KRT7: variants seen among roughly 807,000 people sequenced by gnomAD.
KRT7 encodes keratin, type II cytoskeletal 7.
In KRT7, 50 loss-of-function variants were observed where a neutral mutation model predicts 42.8. The observed-to-expected ratio is 1.17, with a 90% confidence interval of 0.93 to 1.48. The LOEUF is 1.48. KRT7 is among the 40% of genes most tolerant of loss of function. The pLI is 0.00. For synonymous variants in KRT7, 268 were observed against 266.3 expected, an observed-to-expected ratio of 1.01 and a Z score of -0.06; for missense variants, 588 against 637.6, an observed-to-expected ratio of 0.92 and a Z score of 0.84.
At chr12:52,250,914 G>A (rs550255529), downstream of KRT7, among the ~76,000 whole-genome samples, 3 of 152,338 alleles carry the variant, frequency 2.0e-5, no homozygotes, top group South Asian at 2.1e-4. Flanking sequence ...GTGCACATAC[G>A]CAAACCTACA....
chr12:52,236,019 C>T (rs561741256), intron 2 of KRT7, among the ~76,000 whole-genome samples: 1 of 152,204 alleles, frequency 6.6e-6, no homozygotes, highest in East Asian at 1.9e-4. Context: ...GGTCTTTTTG[C>T]ACTCTTTTCT....
chr12:52,240,915 A>C (rs7312200), intron 4 of KRT7, among the ~76,000 whole-genome samples: 28,869 of 146,998 alleles, frequency 0.2, 3,069 homozygotes, highest in Middle Eastern at 0.26. Context: ...TAATGCTATC[A>C]CTCCCCCCTC....
rs757364622 is a variant in KRT7 at position 52,245,631 on chromosome 12, C to T, written c.1204C>T (p.Arg402Trp). The change falls in exon 7 of 9, where the codon CGG becomes TGG. Residue 402 changes from arginine to tryptophan, a missense_variant and splice_region_variant. By Grantham distance (101) the Arg-to-Trp change is moderately radical. Coordinates refer to ENST00000331817, the MANE Select transcript of KRT7 (RefSeq NM_005556.4). ...YRKLLEGEES[R>W]LAGDGVGAVN... ...CAAGCTGCTGGAGGGCGAGGAGAGC[C>T]GGTGAGGACAAGGAACCTGGAAAGG... The T allele has an allele frequency of 1.8e-5, 29 of 1,613,366 alleles. No homozygotes were observed. The highest frequency in any genetic ancestry group is 1.9e-4 in the Middle Eastern group (1 of 5,396).
At chr12:52,237,894 G>C (rs956824372) in intron 3 of KRT7, among the ~76,000 whole-genome samples, 1 of 152,184 alleles carries the variant, frequency 6.6e-6, no homozygotes, top group African/African-American at 2.4e-5. Context: ...TCACAAAGGT[G>C]TTGCTTGGCT....
At chr12:52,245,319 C>A in intron 6 of KRT7, 93 bp from the exon 7 acceptor site, 1 of 1,316,386 alleles carries the variant, frequency 7.6e-7, no homozygotes, top group Non-Finnish European at 1.1e-6. Context: ...AATGAAGCCA[C>A]CTTAAGCAAG....
intron 7 of KRT7, among the ~76,000 whole-genome samples, chr12:52,246,735 G>A (rs1414644516): frequency 6.6e-6 from 1 of 152,156 alleles, no homozygotes; most frequent in Non-Finnish European, 1.5e-5. Context: ...AGCTGATCTG[G>A]GCACAGGGAG....
rs1237734659 is a variant in KRT7 at position 52,237,578 on chromosome 12, G to A, written c.597+9G>A. The A allele has an allele frequency of 6.2e-7, 1 of 1,600,934 alleles. No individual in the cohort carries two copies. Among genetic ancestry groups the A allele is most frequent in the Admixed American group, 1.7e-5 (1 of 58,486 alleles). On this transcript the variant is annotated intron_variant, in intron 3 of 8. Coordinates refer to ENST00000331817, the MANE Select transcript of KRT7 (RefSeq NM_005556.4). The stretch of plus-strand genomic sequence containing the variant: ...TTGTGGTGCTGAAGAAGGTGAGTGG[G>A]AAAGACAGGCTCGAGGAGGGTTGTC...
In KRT7 at chr12:52,233,446, C is replaced by G. The variant is rs1346482589; in HGVS notation, c.150C>G (p.Ala50=). The G allele has an allele frequency of 1.9e-6, 3 of 1,584,562 alleles. No individual in the cohort carries two copies. Among genetic ancestry groups the G allele is most frequent in the Non-Finnish European group, 2.6e-6 (3 of 1,170,360 alleles). ...TCGGCGCCTCACGGCCGCGCGTGGC[C>G]GTGCGCTCTGCCTATGGGGGCCCGG... ...YGLGASRPRV[A]VRSAYGGPVG... The change falls in exon 1 of 9, where the codon GCC becomes GCG. Residue 50 remains alanine, a synonymous_variant. Coordinates refer to ENST00000331817, the MANE Select transcript of KRT7 (RefSeq NM_005556.4).
chr12:52,255,222 T>A (rs1397073307), downstream of KRT7: 2 of 392,256 alleles, frequency 5.1e-6, no homozygotes, highest in Non-Finnish European at 1.0e-5. Context: ...AGGGAGTCCC[T>A]CCACCTCTCC....
chr12:52,235,167 G>A lies in KRT7; in HGVS notation c.337G>A (p.Glu113Lys). 2 of 1,614,028 alleles carry A rather than the reference G, an allele frequency of 1.2e-6. No individual in the cohort carries two copies. Among genetic ancestry groups the A allele is most frequent in the Non-Finnish European group, 1.7e-6 (2 of 1,179,940 alleles). ...TCGCCCGTTCTAGGTGCGGTTTCTGGAGCAGCAGAACAAGCTGCTGGAGAC... is the reference window on the plus strand; with the variant it reads ...TCGCCCGTTCTAGGTGCGGTTTCTGAAGCAGCAGAACAAGCTGCTGGAGAC... Reference protein sequence around the residue: ...ASFIDKVRFLEQQNKLLETKW... With the variant: ...ASFIDKVRFLKQQNKLLETKW... The change falls in exon 2 of 9, where the codon GAG becomes AAG. Residue 113 changes from glutamate (E) to lysine (K), a missense_variant. Transcript: ENST00000331817.
At chr12:52,238,393 G>C (rs961682872) in intron 3 of KRT7, among the ~76,000 whole-genome samples, 1 of 152,214 alleles carries the variant, frequency 6.6e-6, no homozygotes, top group Non-Finnish European at 1.5e-5. Flanking sequence ...TTAGTAGGTG[G>C]AGCTAGTGGT....
At chr12:52,253,136 GGGTCTAACCCAAATCCCTCTCCTGA>G, downstream of KRT7, 3 of 1,357,802 alleles carry the variant, frequency 2.2e-6, no homozygotes, top group East Asian at 6.9e-5. Context: ...CACTGGCAAG[GGGTCTAACCCAAATCCCTCTCCTGA>G]GGGCTAACCC....
chr12:52,248,429 G>A (rs1039386757), intron 8 of KRT7, among the ~76,000 whole-genome samples, 162 bp from the exon 9 acceptor site: 4 of 152,138 alleles, frequency 2.6e-5, no homozygotes, highest in African/African-American at 9.7e-5. Context: ...CACCTGGGGA[G>A]CAGCCCTACC....
rs1055630110 is a variant in KRT7 at position 52,238,663 on chromosome 12, C to T, written c.598-17C>T. 6.4e-7 allele frequency: 1 copy of T among 1,557,662 alleles called. No individual in the cohort carries two copies. Among genetic ancestry groups the T allele is most frequent in the African/African-American group, 1.4e-5 (1 of 73,944 alleles). ...AGGACATGGTCTCCCTCTGCCCCAT[C>T]TTGCCCCAACCCCCAGGATGTGGAT... On this transcript the variant is annotated splice_polypyrimidine_tract_variant and intron_variant, in intron 3 of 8. Transcript: ENST00000331817.
At chr12:52,236,492 C>T (rs1428812040) in intron 2 of KRT7, among the ~76,000 whole-genome samples, 3 of 152,162 alleles carry the variant, frequency 2.0e-5, no homozygotes, top group Non-Finnish European at 4.4e-5. Context: ...CTGTGTGCAG[C>T]TGCTCAGGGA....
intron 6 of KRT7, 189 bp downstream of exon 6, chr12:52,243,326 G>A: frequency 3.1e-6 from 2 of 651,892 alleles, no homozygotes; most frequent in Non-Finnish European, 5.0e-6. Flanking sequence ...GCTGATGGGA[G>A]AAAGGTCCTG....
intron 2 of KRT7, among the ~76,000 whole-genome samples, chr12:52,235,917 C>T (rs759364000): frequency 1.1e-4 from 16 of 152,184 alleles, no homozygotes; most frequent in Non-Finnish European, 1.9e-4. Context: ...CATTGTGAGC[C>T]ATGCGAGGGC....
chr12:52,255,551 C>A, downstream of KRT7: 1 of 405,290 alleles, frequency 2.5e-6, no homozygotes, highest in Non-Finnish European at 5.0e-6. Context: ...GGAACTTGTC[C>A]ATCCCTTTCT....
At chr12:52,242,358 G>A (rs1942105183) in intron 5 of KRT7, among the ~76,000 whole-genome samples, 3 of 152,242 alleles carry the variant, frequency 2.0e-5, no homozygotes, top group African/African-American at 7.2e-5. Flanking sequence ...AGATGGAAGA[G>A]CAGGGACTAA....
Sources: allele counts gnomAD v4.1 joint callset (sites outside exome capture counted in the v4.1 genomes callset), GRCh38; gene constraint gnomAD v4.1.1; transcripts MANE v1.5; gene names NCBI Gene and HGNC (gene_info 2026-07-23, HGNC 2026-07-21).